Variants in GRM7 observed in about 807,000 individuals in gnomAD.
GRM7 encodes metabotropic glutamate receptor 7.
GRM7 carries 35 observed loss-of-function variants against 84.5 expected under a neutral mutation model. The ratio of observed to expected loss-of-function variants is 0.41; its 90% CI spans 0.32 to 0.55. The LOEUF is 0.55. Among genes scored for constraint, GRM7 ranks in the 20% least tolerant of loss-of-function variants. The pLI is 0.19. For missense variants in GRM7, 1,003 were observed against 1,194.6 expected (o/e 0.84, Z 2.36); for synonymous variants, 487 against 455.1 (o/e 1.07, Z -0.89).
intron 1 of GRM7, among the ~76,000 whole-genome samples, chr3:6,870,887 T>C (rs1433181778): frequency 6.6e-6 from 1 of 152,094 alleles, no homozygotes; most frequent in Non-Finnish European, 1.5e-5. Flanking sequence ...GGGTTAAGGA[T>C]CAGTTTTGGA....
chr3:7,259,173 T>G (rs972640754), intron 2 of GRM7, among the ~76,000 whole-genome samples: 7 of 152,248 alleles, frequency 4.6e-5, no homozygotes, highest in African/African-American at 1.7e-4. Flanking sequence ...ACTGGTAAAT[T>G]GGCATTCCAA....
At chr3:7,395,492 T>G (rs1298891114) in intron 4 of GRM7, among the ~76,000 whole-genome samples, 3 of 152,198 alleles carry the variant, frequency 2.0e-5, no homozygotes, top group African/African-American at 7.2e-5. Flanking sequence ...AATAATATGG[T>G]TTGGCTGTGT....
chr3:7,315,304 G>C (rs969208018), intron 4 of GRM7, among the ~76,000 whole-genome samples: 1 of 152,136 alleles, frequency 6.6e-6, no homozygotes, highest in African/African-American at 2.4e-5. Context: ...ACCCTGCCCT[G>C]GACATGCCCG....
At chr3:7,500,325 A>G (rs568254053) in intron 7 of GRM7, among the ~76,000 whole-genome samples, 116 of 152,306 alleles carry the variant, frequency 7.6e-4, no homozygotes, top group Non-Finnish European at 1.4e-3. Flanking sequence ...TTTGTTTGAG[A>G]TGTATTAGAG....
At chr3:7,191,232 T>A (rs910846112) in intron 2 of GRM7, among the ~76,000 whole-genome samples, 4 of 152,132 alleles carry the variant, frequency 2.6e-5, no homozygotes, top group Non-Finnish European at 5.9e-5. Context: ...CACTCCTTTG[T>A]AATAACTGTG....
chr3:7,420,901 G>A (rs1030907202), intron 5 of GRM7, among the ~76,000 whole-genome samples: 6 of 152,198 alleles, frequency 3.9e-5, no homozygotes, highest in African/African-American at 1.2e-4. Context: ...ATTAATATAG[G>A]ATTCTTCAAG....
intron 2 of GRM7, among the ~76,000 whole-genome samples, chr3:7,174,140 C>A (rs928249999): frequency 1.3e-5 from 2 of 152,062 alleles, no homozygotes; most frequent in African/African-American, 4.8e-5. Context: ...TGGATGATGT[C>A]TTTCCAGGTA....
At chr3:7,645,324 A>G (rs535338892) in intron 8 of GRM7, among the ~76,000 whole-genome samples, 1,576 of 152,046 alleles carry the variant, frequency 0.01, 25 homozygotes, top group African/African-American at 0.035. Context: ...CAAGGCGGGC[A>G]GACCACAAGG....
chr3:7,161,991 T>C (rs1442653642), intron 2 of GRM7, among the ~76,000 whole-genome samples: 1 of 152,210 alleles, frequency 6.6e-6, no homozygotes, highest in Non-Finnish European at 1.5e-5. Context: ...TAGAGCTTGC[T>C]AATTACTTGG....
chr3:7,721,769 G>A lies in GRM7; in HGVS notation c.2699-18588G>A, dbSNP rs372978844. 7.2e-5 allele frequency among the ~76,000 whole-genome samples: 11 copies of A among 152,320 alleles called. No homozygotes were observed. The East Asian group carries it at 1.5e-3, about 21-fold the overall frequency. On this transcript the variant is annotated intron_variant, in intron 9 of 9. Coordinates refer to ENST00000357716, the MANE Select transcript of GRM7 (RefSeq NM_000844.4). Reference sequence around the variant, plus strand: ...AGTATTGCACAGAGTTGACATGGTTGTATGCAAGACTAGCGGGGCCATTGA... The same window carrying A: ...AGTATTGCACAGAGTTGACATGGTTATATGCAAGACTAGCGGGGCCATTGA...
At chr3:6,895,011 T>G (rs1423607964) in intron 1 of GRM7, among the ~76,000 whole-genome samples, 1 of 152,146 alleles carries the variant, frequency 6.6e-6, no homozygotes, top group African/African-American at 2.4e-5. Context: ...AAGATTGTCT[T>G]TATCCAAGAG....
chr3:7,618,049 A>C (rs1430449285), intron 8 of GRM7, among the ~76,000 whole-genome samples: 1 of 152,170 alleles, frequency 6.6e-6, no homozygotes, highest in East Asian at 1.9e-4. Flanking sequence ...AAATACCTAT[A>C]GCACAGAATT....
At chr3:7,553,767 T>A (rs942776719) in intron 7 of GRM7, among the ~76,000 whole-genome samples, 3 of 152,168 alleles carry the variant, frequency 2.0e-5, no homozygotes, top group Admixed American at 2.0e-4. Context: ...CTCCACCTGG[T>A]CTCTCCCTTG....
chr3:7,002,798 T>G (rs1695059740), intron 1 of GRM7, among the ~76,000 whole-genome samples: 1 of 152,198 alleles, frequency 6.6e-6, no homozygotes, highest in Non-Finnish European at 1.5e-5. Flanking sequence ...CCATGTTCAT[T>G]TAAGTACTAT....
intron 4 of GRM7, among the ~76,000 whole-genome samples, chr3:7,310,230 A>C (rs1209202623): frequency 6.6e-6 from 1 of 152,180 alleles, no homozygotes; most frequent in Admixed American, 6.5e-5. Flanking sequence ...TTCAAAACTA[A>C]CTATAATGAC....
chr3:7,727,945 A>G (rs1299875060), intron 9 of GRM7, among the ~76,000 whole-genome samples: 1 of 152,150 alleles, frequency 6.6e-6, no homozygotes, highest in Admixed American at 6.6e-5. Context: ...TGTCAGGCTA[A>G]GCCTAGTTGG....
intron 1 of GRM7, among the ~76,000 whole-genome samples, chr3:6,945,436 C>T (rs1239297820): frequency 6.6e-6 from 1 of 152,084 alleles, no homozygotes; most frequent in Non-Finnish European, 1.5e-5. Flanking sequence ...TGTATATGTG[C>T]CACATTTTCT....
intron 2 of GRM7, among the ~76,000 whole-genome samples, chr3:7,186,375 AG>A (rs1288883345): frequency 9.2e-5 from 14 of 152,196 alleles, no homozygotes; most frequent in African/African-American, 3.4e-4. Context: ...TTGTTCATAC[AG>A]TGGATTAAAA....
chr3:7,707,388 T>G (rs147776960), intron 9 of GRM7, among the ~76,000 whole-genome samples: 2 of 152,238 alleles, frequency 1.3e-5, no homozygotes, highest in East Asian at 3.9e-4. Flanking sequence ...CCTTCCTGTA[T>G]CTGAGGAAAA....
Sources: gnomAD v4.1 joint callset for allele counts (sites outside exome capture counted in the v4.1 genomes callset) on GRCh38, gnomAD v4.1.1 for gene constraint, MANE v1.5 for transcripts, NCBI Gene and HGNC (gene_info 2026-07-23, HGNC 2026-07-21) for gene names.